The following KIF16B variants were observed in gnomAD, a reference collection of about 807,000 sequenced individuals.
The protein encoded by KIF16B is kinesin-like protein KIF16B.
KIF16B carries 98 observed loss-of-function variants against 156.3 expected under a neutral mutation model. The ratio of observed to expected loss-of-function variants is 0.63; its 90% CI spans 0.53 to 0.74. KIF16B has a LOEUF of 0.74. Ranked by LOEUF, KIF16B falls within the 30% of genes least tolerant of loss-of-function variation. The probability of loss-of-function intolerance (pLI) is 0.00; values close to 1 mark genes in which losing one functional copy is unlikely to be tolerated. For synonymous variants in KIF16B, 564 were observed against 583.7 expected, an observed-to-expected ratio of 0.97 and a Z score of 0.49; for missense variants, 1,421 against 1,606.5, an observed-to-expected ratio of 0.88 and a Z score of 1.97.
intron 10 of KIF16B, among the ~76,000 whole-genome samples, chr20:16,502,285 G>A (rs1217070090): frequency 6.6e-6 from 1 of 152,042 alleles, no homozygotes; most frequent in Non-Finnish European, 1.5e-5. Flanking sequence ...GAATATTCTA[G>A]GAATAGAGCA....
rs1488470799 is a variant in KIF16B, at chr20:16,374,253, G to C, written c.3350+4C>G. Reference sequence around the variant, plus strand: ...AAGCCTGGAATCACTTTCATGTCCAGTACCTGGCATCCATGAGGGGAACCA... The same window carrying C: ...AAGCCTGGAATCACTTTCATGTCCACTACCTGGCATCCATGAGGGGAACCA... On this transcript the variant is annotated splice_donor_region_variant and intron_variant, in intron 20 of 25. Coordinates refer to ENST00000354981, the MANE Select transcript of KIF16B (RefSeq NM_024704.5). 1 of 1,559,940 alleles carries C rather than the reference G, an allele frequency of 6.4e-7. No individual in the cohort carries two copies. Among genetic ancestry groups the C allele is most frequent in the East Asian group, 2.3e-5 (1 of 43,744 alleles).
chr20:16,333,139 C>A (rs138326789), intron 24 of KIF16B, among the ~76,000 whole-genome samples: 31 of 152,254 alleles, frequency 2.0e-4, no homozygotes, highest in African/African-American at 7.2e-4. Flanking sequence ...CTTTTCCAGG[C>A]CTTTTTGTTC....
intron 1 of KIF16B, among the ~76,000 whole-genome samples, chr20:16,535,619 A>G (rs6044084): frequency 0.54 from 82,191 of 152,012 alleles, 22,495 homozygotes; most frequent in Non-Finnish European, 0.58. Flanking sequence ...CAATGTTAGC[A>G]GTGGGTTTGT....
intron 22 of KIF16B, chr20:16,369,212 T>G (rs1430914948): frequency 1.0e-6 from 1 of 985,718 alleles, no homozygotes; most frequent in Non-Finnish European, 1.2e-6. Context: ...GAAGTGTCAG[T>G]GGCATCTCTG....
At chr20:16,327,041 A>G (rs558982043) in intron 24 of KIF16B, among the ~76,000 whole-genome samples, 1 of 142,900 alleles carries the variant, frequency 7.0e-6, no homozygotes, top group East Asian at 2.2e-4. Context: ...ACACACACAC[A>G]TATATATGTA....
At chr20:16,433,054 G>T (rs77206501) in intron 12 of KIF16B, among the ~76,000 whole-genome samples, 16,696 of 152,102 alleles carry the variant, frequency 0.11, 1,131 homozygotes, top group Non-Finnish European at 0.16. Flanking sequence ...CTACCTCTCG[G>T]ATATTAGCAG....
At position 16,395,204 on chromosome 20, in the gene KIF16B, A is replaced by G. The variant is rs943640857; in HGVS notation, c.1784+9609T>C. 2.7e-3 allele frequency among the ~76,000 whole-genome samples: 97 copies of G among 35,514 alleles called. 1 individual carries two copies. Among genetic ancestry groups the G allele is most frequent in the East Asian group, 5.2e-3 (3 of 580 alleles). The allele number at this position is 35,514 out of a possible 152,430, so 23.3% of individuals were successfully genotyped here. On this transcript the variant is annotated intron_variant, in intron 17 of 25. Transcript: ENST00000354981. ...AAGGGGAGAGGAGGGGAGAGGAGGG[A>G]AGAGGAGGGGAGGGGAGGGGAGAGG...
At chr20:16,292,902 A>T (rs751083653) in intron 25 of KIF16B, among the ~76,000 whole-genome samples, 1 of 152,240 alleles carries the variant, frequency 6.6e-6, no homozygotes, top group Non-Finnish European at 1.5e-5. Flanking sequence ...CAATGTTAAA[A>T]CAAGCAAAGA....
intron 19 of KIF16B, among the ~76,000 whole-genome samples, chr20:16,374,831 C>G (rs1280295011): frequency 6.6e-6 from 1 of 152,164 alleles, no homozygotes; most frequent in Non-Finnish European, 1.5e-5. Flanking sequence ...AACCACCAAT[C>G]TAGGAGAAAT....
At chr20:16,548,273 G>A (rs2070489898) in intron 1 of KIF16B, among the ~76,000 whole-genome samples, 1 of 152,112 alleles carries the variant, frequency 6.6e-6, no homozygotes, top group Non-Finnish European at 1.5e-5. Flanking sequence ...AAGGTTCGGA[G>A]GATGGATTCA....
chr20:16,517,027 C>A (rs62199805), intron 3 of KIF16B, among the ~76,000 whole-genome samples: 1,759 of 152,302 alleles, frequency 0.012, 15 homozygotes, highest in Middle Eastern at 0.061. Context: ...CATATGGAGA[C>A]AACTCCCCTC....
At chr20:16,316,562 G>A (rs1053853782) in intron 24 of KIF16B, among the ~76,000 whole-genome samples, 3 of 152,144 alleles carry the variant, frequency 2.0e-5, no homozygotes, top group South Asian at 2.1e-4. Context: ...TCTGAAAAAT[G>A]AGGGCCCTGA....
intron 25 of KIF16B, among the ~76,000 whole-genome samples, chr20:16,279,241 T>G (rs964238398): frequency 6.6e-6 from 1 of 152,150 alleles, no homozygotes; most frequent in African/African-American, 2.4e-5. Context: ...ATATTCTGGG[T>G]GGACACCTTA....
At chr20:16,405,044 A>C (rs1480290726) in intron 16 of KIF16B, 143 bp from the exon 17 acceptor site, 1 of 636,742 alleles carries the variant, frequency 1.6e-6, no homozygotes. Flanking sequence ...GGTCTATCTG[A>C]GGAAAGCAGA....
At chr20:16,275,178 T>C (rs976993208) in intron 25 of KIF16B, among the ~76,000 whole-genome samples, 1 of 151,898 alleles carries the variant, frequency 6.6e-6, no homozygotes, top group African/African-American at 2.4e-5. Flanking sequence ...CTCAGCCTCC[T>C]GAGTAGCTGG....
At chr20:16,411,504 T>C (rs561703987) in intron 15 of KIF16B, among the ~76,000 whole-genome samples, 1 of 152,198 alleles carries the variant, frequency 6.6e-6, no homozygotes, top group Non-Finnish European at 1.5e-5. Context: ...CTTATCACTG[T>C]TGTCCACAGG....
At chr20:16,394,256 T>C (rs1284470193) in intron 17 of KIF16B, among the ~76,000 whole-genome samples, 1 of 152,210 alleles carries the variant, frequency 6.6e-6, no homozygotes, top group East Asian at 1.9e-4. Context: ...CAGATTGTTC[T>C]TTGAATTTAA....
chr20:16,547,589 A>G (rs1023007597), intron 1 of KIF16B, among the ~76,000 whole-genome samples: 4 of 146,618 alleles, frequency 2.7e-5, no homozygotes, highest in Admixed American at 6.9e-5. Context: ...CTTGATAAAG[A>G]ACTGCTCCCC....
At chr20:16,371,548 C>CCACTG (rs2064818816) in intron 21 of KIF16B, 117 bp downstream of exon 21, 1 of 617,420 alleles carries the variant, frequency 1.6e-6, no homozygotes, top group Non-Finnish European at 2.8e-6. Context: ...CAAGATGGTG[C>CCACTG]CACTGCACTC....
Sources: allele counts gnomAD v4.1 joint callset (sites outside exome capture counted in the v4.1 genomes callset), GRCh38; gene constraint gnomAD v4.1.1; transcripts MANE v1.5; gene names NCBI Gene and HGNC (gene_info 2026-07-23, HGNC 2026-07-21).